The following ADAMTS3 variants were observed in gnomAD, a reference collection of about 807,000 sequenced individuals.
The protein encoded by ADAMTS3 is ADAM metallopeptidase with thrombospondin type 1 motif 3, also known as A disintegrin and metalloproteinase with thrombospondin motifs 3.
ADAMTS3 carries 73 observed loss-of-function variants against 129.0 expected under a neutral mutation model. The observed-to-expected ratio is 0.57, with a 90% confidence interval of 0.47 to 0.69. The LOEUF is 0.69. Among genes scored for constraint, ADAMTS3 ranks in the 30% least tolerant of loss-of-function variants. ADAMTS3 has a pLI of 0.00. For synonymous variants in ADAMTS3, 477 were observed against 510.8 expected, an observed-to-expected ratio of 0.93 and a Z score of 0.89; for missense variants, 1,457 against 1,514.5, an observed-to-expected ratio of 0.96 and a Z score of 0.63.
chr4:72,318,685 C>T lies in ADAMTS3; in HGVS notation c.1372G>A (p.Asp458Asn). The part of the protein sequence containing the change: ...RYIHSYDCLL[D>N]DPFDHDWPKL... ...GGCCAATCATGATCAAAAGGGTCAT[C>T]AAGGAGACAGTCATAGGAACTGTAG... The change falls in exon 10 of 22, where the codon GAT becomes AAT. Residue 458 changes from aspartate (D) to asparagine (N), a missense_variant. Asp to Asn is a conservative substitution (Grantham distance 23). Coordinates refer to ENST00000286657, the MANE Select transcript of ADAMTS3 (RefSeq NM_014243.3). The T allele has an allele frequency of 3.1e-6, 5 of 1,613,528 alleles. No individual in the cohort carries two copies. Among genetic ancestry groups the T allele is most frequent in the Non-Finnish European group, 4.2e-6 (5 of 1,179,742 alleles).
chr4:72,439,473 A>AT (rs904074905), intron 3 of ADAMTS3, among the ~76,000 whole-genome samples: 1 of 151,462 alleles, frequency 6.6e-6, no homozygotes, highest in East Asian at 2.0e-4. Flanking sequence ...CAGTTTCCTT[A>AT]TTTTTTTCCT....
At chr4:72,348,949 T>C (rs1375111067) in intron 4 of ADAMTS3, among the ~76,000 whole-genome samples, 1 of 151,936 alleles carries the variant, frequency 6.6e-6, no homozygotes, top group Non-Finnish European at 1.5e-5. Flanking sequence ...CACACCTTGA[T>C]TTTGGCCTTG....
intron 4 of ADAMTS3, among the ~76,000 whole-genome samples, chr4:72,357,801 A>G (rs1359802202): frequency 6.6e-6 from 1 of 151,968 alleles, no homozygotes; most frequent in Non-Finnish European, 1.5e-5. Flanking sequence ...CTGTAGGAAT[A>G]CTATCGATCA....
chr4:72,430,363 C>T (rs1314480097), intron 3 of ADAMTS3, among the ~76,000 whole-genome samples: 2 of 151,968 alleles, frequency 1.3e-5, no homozygotes, highest in African/African-American at 4.8e-5. Context: ...AGCCCAGCAG[C>T]CACACTGGGA....
At chr4:72,367,680 C>T (rs1201508206) in intron 4 of ADAMTS3, among the ~76,000 whole-genome samples, 4 of 152,080 alleles carry the variant, frequency 2.6e-5, no homozygotes, top group Admixed American at 2.0e-4. Context: ...GAAACCCTGT[C>T]TCTCCTAAAA....
At chr4:72,398,531 T>C (rs1228302712) in intron 4 of ADAMTS3, among the ~76,000 whole-genome samples, 1 of 152,110 alleles carries the variant, frequency 6.6e-6, no homozygotes, top group African/African-American at 2.4e-5. Context: ...GCTGAGATCG[T>C]GCCACTGCAC....
chr4:72,476,425 T>C (rs776154299), intron 3 of ADAMTS3, among the ~76,000 whole-genome samples: 4 of 152,048 alleles, frequency 2.6e-5, no homozygotes, highest in Non-Finnish European at 5.9e-5. Context: ...TAACATGAAA[T>C]AGATAATTTA....
At chr4:72,369,223 A>T (rs1720944116) in intron 4 of ADAMTS3, among the ~76,000 whole-genome samples, 1 of 152,204 alleles carries the variant, frequency 6.6e-6, no homozygotes, top group African/African-American at 2.4e-5. Context: ...TATTTTTATA[A>T]ATAATGGTAA....
chr4:72,407,279 T>C (rs1258608009), intron 4 of ADAMTS3, among the ~76,000 whole-genome samples: 3 of 152,050 alleles, frequency 2.0e-5, no homozygotes, highest in East Asian at 3.8e-4. Context: ...TTAAAAAAAA[T>C]GGTTCTAATA....
intron 3 of ADAMTS3, among the ~76,000 whole-genome samples, chr4:72,513,190 T>A (rs1720362883): frequency 6.6e-6 from 1 of 152,202 alleles, no homozygotes; most frequent in African/African-American, 2.4e-5. Flanking sequence ...GCAATGTGTC[T>A]TAGATAAAAT....
rs889713507 is a variant in ADAMTS3, at chr4:72,351,681, GA to G, written c.662-11989del. Among the ~76,000 whole-genome samples the G allele has an allele frequency of 1.9e-3, 273 of 145,494 alleles. 2 individuals are homozygous for G. The highest frequency in any genetic ancestry group is 1.5e-3 in the Non-Finnish European group (100 of 65,872). ...GAAACTGTCTTCCAAGAGTAGCAAA[GA>G]AAAAAAAAAGTGCTTGTTAACTAAG... On this transcript the variant is annotated intron_variant, in intron 4 of 21. Transcript: ENST00000286657.
At chr4:72,336,532 G>T (rs1363864106) in intron 5 of ADAMTS3, among the ~76,000 whole-genome samples, 1 of 152,142 alleles carries the variant, frequency 6.6e-6, no homozygotes, top group East Asian at 1.9e-4. Flanking sequence ...GAAAGAGCCT[G>T]CTCAGGTCAG....
intron 3 of ADAMTS3, among the ~76,000 whole-genome samples, chr4:72,512,556 T>C (rs1189816342): frequency 2.0e-5 from 3 of 152,190 alleles, no homozygotes; most frequent in African/African-American, 7.2e-5. Flanking sequence ...ACAAGGTGAC[T>C]ATAGTCAATA....
At chr4:72,472,053 G>C (rs894427080) in intron 3 of ADAMTS3, among the ~76,000 whole-genome samples, 2 of 152,056 alleles carry the variant, frequency 1.3e-5, no homozygotes, top group African/African-American at 4.8e-5. Flanking sequence ...GAATTCCTGA[G>C]ATAAATACAA....
chr4:72,389,533 A>AC (rs201870908), intron 4 of ADAMTS3, among the ~76,000 whole-genome samples: 4,394 of 151,370 alleles, frequency 0.029, 236 homozygotes, highest in African/African-American at 0.1. Flanking sequence ...AAAAAACAAA[A>AC]AAAAAAAATC....
At chr4:72,328,896 T>G (rs1294072921) in intron 5 of ADAMTS3, among the ~76,000 whole-genome samples, 3 of 152,138 alleles carry the variant, frequency 2.0e-5, no homozygotes, top group African/African-American at 7.2e-5. Context: ...AACTATCTCT[T>G]ACGTAGGTAA....
At chr4:72,537,967 A>T (rs1721223584) in intron 3 of ADAMTS3, among the ~76,000 whole-genome samples, 1 of 152,192 alleles carries the variant, frequency 6.6e-6, no homozygotes. Flanking sequence ...AACCAAAAAG[A>T]AAGTCTGGAG....
In ADAMTS3 at chr4:72,539,491, G is replaced by GAAAAAAAAAAAAAAAA. The variant is rs71215438; in HGVS notation, c.504+8971_504+8986dup. Among the ~76,000 whole-genome samples the GAAAAAAAAAAAAAAAA allele has an allele frequency of 3.5e-5, 3 of 86,600 alleles. 1 individual carries two copies. The highest frequency in any genetic ancestry group is 8.6e-5 in the African/African-American group (2 of 23,340). The allele number at this position is 86,600 out of a possible 152,430, so 56.8% of individuals were successfully genotyped here. ...CCAACCTTTAGGATGGCTACTATCA[G>GAAAAAAAAAAAAAAAA]AAAAAAAAAAAAAAAAAAAAAACAG... is the stretch of plus-strand genomic sequence containing the variant. On this transcript the variant is annotated intron_variant, in intron 3 of 21. Coordinates refer to ENST00000286657, the MANE Select transcript of ADAMTS3 (RefSeq NM_014243.3).
chr4:72,525,123 T>C (rs1291541488), intron 3 of ADAMTS3, among the ~76,000 whole-genome samples: 2 of 152,182 alleles, frequency 1.3e-5, no homozygotes, highest in East Asian at 3.8e-4. Context: ...CCCAGATCTC[T>C]CCATTCACCT....
Sources: allele counts gnomAD v4.1 joint callset (sites outside exome capture counted in the v4.1 genomes callset), GRCh38; gene constraint gnomAD v4.1.1; transcripts MANE v1.5; gene names NCBI Gene and HGNC (gene_info 2026-07-23, HGNC 2026-07-21).